The following MARK2 variants were observed in gnomAD, a reference collection of about 807,000 sequenced individuals.
MARK2 encodes the protein microtubule affinity regulating kinase 2.
A neutral mutation model predicts 89.8 loss-of-function variants in MARK2; 16 were observed. The ratio of observed to expected loss-of-function variants is 0.18; its 90% CI spans 0.12 to 0.27. The LOEUF (loss-of-function observed/expected upper bound fraction) is 0.27, where lower values mean the gene tolerates loss of function less well. MARK2 is among the 10% of genes least tolerant of loss of function. The pLI is 1.00. For missense variants in MARK2, 621 were observed against 1,049.9 expected (o/e 0.59, Z 5.65); for synonymous variants, 382 against 399.5 (o/e 0.96, Z 0.52).
chr11:63,883,393 G>C (rs1332900739), intron 1 of MARK2, among the ~76,000 whole-genome samples: 2 of 152,092 alleles, frequency 1.3e-5, no homozygotes, highest in East Asian at 3.9e-4. Context: ...AGGATGACAG[G>C]AATCAACTTA....
At chr11:63,863,652 C>G (rs1651401882) in intron 1 of MARK2, among the ~76,000 whole-genome samples, 1 of 151,812 alleles carries the variant, frequency 6.6e-6, no homozygotes, top group African/African-American at 2.4e-5. Context: ...TTAGTAGACA[C>G]AGGGTTTCAC....
At position 63,904,512 on chromosome 11, in the gene MARK2, C is replaced by T. The variant is rs1248071129; in HGVS notation, c.1677-274C>T. On this transcript the variant is annotated intron_variant, in intron 15 of 18. Transcript: ENST00000402010. This position sits in a 1 kb window ranked among gnomAD's most constrained non-coding sequence, Gnocchi z 6.3. ...CTTGAGGGTCCAGTCTGCCCGGCTC[C>T]CAGGGAGCCCGCTGTCTCCAGCCTA... is the stretch of plus-strand genomic sequence containing the variant. Among the ~76,000 whole-genome samples the T allele has an allele frequency of 6.6e-6, 1 of 152,092 alleles. No individual in the cohort carries two copies. The highest frequency in any genetic ancestry group is 1.5e-5 in the Non-Finnish European group (1 of 67,992).
At chr11:63,849,147 C>G (rs556661453) in intron 1 of MARK2, among the ~76,000 whole-genome samples, 101 of 152,302 alleles carry the variant, frequency 6.6e-4, no homozygotes, top group African/African-American at 2.3e-3. Context: ...ACTGGGACTA[C>G]AGGTCACACC....
chr11:63,855,099 G>A (rs1305893786), intron 1 of MARK2, among the ~76,000 whole-genome samples: 1 of 152,078 alleles, frequency 6.6e-6, no homozygotes, highest in Non-Finnish European at 1.5e-5. Context: ...AAACTTTTCC[G>A]AGATTGGTAG....
chr11:63,843,626 A>T (rs910309091), intron 1 of MARK2, among the ~76,000 whole-genome samples: 8 of 151,726 alleles, frequency 5.3e-5, no homozygotes, highest in East Asian at 1.9e-4. Flanking sequence ...TATATATATA[A>T]AACTCTTTTT....
At chr11:63,907,270 T>C (rs1020523353) in intron 17 of MARK2, among the ~76,000 whole-genome samples, 6 of 152,092 alleles carry the variant, frequency 3.9e-5, no homozygotes, top group African/African-American at 1.4e-4. Context: ...GTTGACTGCA[T>C]GACTGGCTGC....
At chr11:63,878,402 G>A (rs1286422155) in intron 1 of MARK2, among the ~76,000 whole-genome samples, 7 of 118,074 alleles carry the variant, frequency 5.9e-5, no homozygotes, top group South Asian at 5.6e-4. Context: ...AGTCTCTCTC[G>A]CTCTGTCGCC....
intron 17 of MARK2, 26 bp downstream of exon 17, chr11:63,906,140 T>TGG: frequency 7.7e-7 from 1 of 1,291,222 alleles, no homozygotes; most frequent in Non-Finnish European, 9.9e-7. Context: ...GCTGTGTGTG[T>TGG]GTGTGTGTGT....
At position 63,902,500 on chromosome 11, in the gene MARK2, T is replaced by G; in HGVS notation, c.1235-101T>G. On this transcript the variant is annotated intron_variant, in intron 12 of 18. Coordinates refer to ENST00000402010, the MANE Select transcript of MARK2 (RefSeq NM_001039469.3). The surrounding 1 kb of genome is among the most constrained non-coding windows in gnomAD (Gnocchi z 4.2). ...TCCCTCGCCTCTGTGGAATGGGGGC[T>G]TGCTGGGTTGTTGGCCAGCCCTGTA... 1 of 1,397,972 alleles carries G rather than the reference T, an allele frequency of 7.2e-7. No individual in the cohort carries two copies. The highest frequency in any genetic ancestry group is 9.9e-7 in the Non-Finnish European group (1 of 1,009,530). 86.6% of individuals were successfully genotyped at this position (1,397,972 alleles called of 1,614,324 possible). A position where few individuals can be genotyped will look rare whatever the true frequency, so the allele number is the denominator to read the frequency against.
rs192859641 is a variant in MARK2 at position 63,903,443 on chromosome 11, C to T, written c.1514+285C>T. ...CCACGGCCAGGGCATGGCAGCTGCC[C>T]TCCTCTAGACATGAGCAGCTAAGGC... On this transcript the variant is annotated intron_variant, in intron 14 of 18. Transcript: ENST00000402010. This position sits in a 1 kb window ranked among gnomAD's most constrained non-coding sequence, Gnocchi z 5.1. 1.5e-3 allele frequency: 688 copies of T among 460,078 alleles called. 4 individuals carry two copies. Among genetic ancestry groups the T allele is most frequent in the Non-Finnish European group, 1.9e-3 (484 of 248,378 alleles). The allele number at this position is 460,078 out of a possible 1,614,324, so 28.5% of individuals were successfully genotyped here.
intron 3 of MARK2, among the ~76,000 whole-genome samples, chr11:63,896,645 G>A (rs1298155484): frequency 6.6e-6 from 1 of 152,218 alleles, no homozygotes; most frequent in Non-Finnish European, 1.5e-5. Flanking sequence ...CTCCGGACAT[G>A]CAAATAGCCA....
intron 1 of MARK2, among the ~76,000 whole-genome samples, chr11:63,855,394 T>C (rs1240875608): frequency 3.3e-5 from 5 of 151,856 alleles, no homozygotes; most frequent in Non-Finnish European, 5.9e-5. Flanking sequence ...CATGGTGATA[T>C]GCACCTGCAG....
intron 1 of MARK2, among the ~76,000 whole-genome samples, chr11:63,863,741 G>A (rs1403172370): frequency 6.6e-6 from 1 of 151,284 alleles, no homozygotes; most frequent in Non-Finnish European, 1.5e-5. Flanking sequence ...TGGGATTACA[G>A]GTGTGAACCA....
At chr11:63,852,673 T>TAA (rs550449276) in intron 1 of MARK2, among the ~76,000 whole-genome samples, 3 of 102,600 alleles carry the variant, frequency 2.9e-5, no homozygotes, top group South Asian at 2.9e-4. Flanking sequence ...AAATAAGAAC[T>TAA]AAAAAAAAAA....
rs1565145731 is a variant in MARK2, at chr11:63,903,489, T to G, written c.1514+331T>G. ...AAGGCCTTGTGTTGGGGGTCCCAGC[T>G]CAGGGCAGAACCAAGAGATGCCCAC... On this transcript the variant is annotated intron_variant, in intron 14 of 18. Coordinates refer to ENST00000402010, the MANE Select transcript of MARK2 (RefSeq NM_001039469.3). This position sits in a 1 kb window ranked among gnomAD's most constrained non-coding sequence, Gnocchi z 5.1. The G allele has an allele frequency of 5.2e-6, 2 of 386,818 alleles. No homozygotes were observed. Among genetic ancestry groups the G allele is most frequent in the East Asian group, 1.1e-4 (2 of 17,832 alleles). 24.0% of individuals were successfully genotyped at this position (386,818 alleles called of 1,614,324 possible). A position where few individuals can be genotyped will look rare whatever the true frequency, so the allele number is the denominator to read the frequency against.
At chr11:63,849,029 G>A (rs1443729779) in intron 1 of MARK2, among the ~76,000 whole-genome samples, 1 of 152,062 alleles carries the variant, frequency 6.6e-6, no homozygotes, top group Admixed American at 6.6e-5. Flanking sequence ...TTAAGAGACA[G>A]GGTCTCACCC....
intron 1 of MARK2, among the ~76,000 whole-genome samples, chr11:63,858,191 T>C (rs2016962801): frequency 2.0e-5 from 3 of 152,078 alleles, no homozygotes; most frequent in Non-Finnish European, 4.4e-5. Context: ...CACACTTGGC[T>C]CATTTTTGTA....
chr11:63,859,099 ATGT>A (rs1937609665), intron 1 of MARK2, among the ~76,000 whole-genome samples: 1 of 150,994 alleles, frequency 6.6e-6, no homozygotes, highest in African/African-American at 2.4e-5. Flanking sequence ...TTTAACTTAT[ATGT>A]TGGCTATTGG....
intron 1 of MARK2, among the ~76,000 whole-genome samples, chr11:63,864,994 A>G (rs549036892): frequency 6.6e-5 from 10 of 152,196 alleles, no homozygotes; most frequent in African/African-American, 2.2e-4. Flanking sequence ...GGCTCAAGCA[A>G]TCCTCCCACC....
Sources: allele counts gnomAD v4.1 joint callset (sites outside exome capture counted in the v4.1 genomes callset), GRCh38; gene constraint gnomAD v4.1.1; non-coding constraint Gnocchi (gnomAD v3.1); transcripts MANE v1.5; gene names NCBI Gene and HGNC (gene_info 2026-07-23, HGNC 2026-07-21).